Variants in MSMB observed in about 807,000 individuals in gnomAD.
MSMB encodes the protein microseminoprotein beta, also known as beta-microseminoprotein.
MSMB carries 10 observed loss-of-function variants against 10.5 expected under a neutral mutation model. That is an observed-to-expected ratio of 0.95 (90% CI 0.59 to 1.62). MSMB has a LOEUF of 1.62. Among genes scored for constraint, MSMB ranks in the 40% most tolerant of loss-of-function variants. The pLI is 0.00. For synonymous variants in MSMB, 43 were observed against 46.5 expected (o/e 0.93, Z 0.30); for missense variants, 126 against 137.4 (o/e 0.92, Z 0.42).
intron 1 of MSMB, 93 bp from the exon 2 acceptor site, chr10:46,040,184 T>A: frequency 2.0e-6 from 2 of 1,010,080 alleles, no homozygotes; most frequent in Non-Finnish European, 1.5e-6. Context: ...GGCTGGGCTC[T>A]GCTGAGAGGT....
At chr10:46,041,856 G>A (rs1249524176) in intron 1 of MSMB, among the ~76,000 whole-genome samples, 2 of 151,078 alleles carry the variant, frequency 1.3e-5, no homozygotes, top group African/African-American at 4.9e-5. Flanking sequence ...AAAGGTAGTT[G>A]GATAGGGTAA....
At chr10:46,044,575 GAAAAAAAAAAA>G (rs56061175) in intron 1 of MSMB, among the ~76,000 whole-genome samples, 20 of 38,530 alleles carry the variant, frequency 5.2e-4, no homozygotes, top group Admixed American at 1.3e-3. Flanking sequence ...CTCCGTCTCA[GAAAAAAAAAAA>G]AAAAAAAAAA....
intron 1 of MSMB, among the ~76,000 whole-genome samples, chr10:46,041,648 G>C (rs782513022): frequency 5.3e-5 from 8 of 151,986 alleles, no homozygotes; most frequent in Non-Finnish European, 1.0e-4. Context: ...ACAAAAGTTA[G>C]GTGGGTATGG....
chr10:46,036,930 A>T (rs1840622013), intron 3 of MSMB, among the ~76,000 whole-genome samples: 1 of 152,256 alleles, frequency 6.6e-6, no homozygotes, highest in Admixed American at 6.5e-5. Flanking sequence ...AACACTTGAT[A>T]TAAAGACAAT....
At chr10:46,040,896 G>A (rs984027747) in intron 1 of MSMB, among the ~76,000 whole-genome samples, 8 of 151,992 alleles carry the variant, frequency 5.3e-5, no homozygotes, top group Non-Finnish European at 7.4e-5. Context: ...GGACCTTGCA[G>A]TGAGCCGAGA....
At chr10:46,045,158 C>T (rs1590199881) in intron 1 of MSMB, among the ~76,000 whole-genome samples, 1 of 152,104 alleles carries the variant, frequency 6.6e-6, no homozygotes. Flanking sequence ...CAGTCCCCAG[C>T]GTTAGTAAAG....
intron 3 of MSMB, among the ~76,000 whole-genome samples, chr10:46,037,598 G>A (rs928006498): frequency 6.6e-6 from 1 of 152,168 alleles, no homozygotes; most frequent in Non-Finnish European, 1.5e-5. Flanking sequence ...AGTTAAACTT[G>A]AGCAGTGAAG....
chr10:46,042,289 G>GAC (rs1310793476), intron 1 of MSMB, among the ~76,000 whole-genome samples: 2 of 151,778 alleles, frequency 1.3e-5, no homozygotes, highest in Non-Finnish European at 2.9e-5. Context: ...TTCACACACA[G>GAC]ACACACACAC....
intron 3 of MSMB, among the ~76,000 whole-genome samples, chr10:46,037,082 G>C (rs184780887): frequency 3.4e-4 from 52 of 152,314 alleles, no homozygotes; most frequent in Admixed American, 9.8e-4. Flanking sequence ...CTAGCATGAG[G>C]CCTGCTCGAT....
intron 2 of MSMB, 68 bp downstream of exon 2, chr10:46,039,918 T>G (rs979225374): frequency 6.5e-5 from 76 of 1,166,092 alleles, no homozygotes; most frequent in Non-Finnish European, 8.6e-5. Context: ...CACAAAGGCT[T>G]TCATCTGCAG....
intron 3 of MSMB, among the ~76,000 whole-genome samples, chr10:46,035,413 C>G (rs1170930824): frequency 1.3e-5 from 2 of 152,154 alleles, no homozygotes; most frequent in Non-Finnish European, 1.5e-5. Flanking sequence ...CTCAAGTGTT[C>G]AACAAATAAA....
intron 1 of MSMB, 92 bp from the exon 2 acceptor site, chr10:46,040,183 C>G: frequency 9.5e-7 from 1 of 1,054,858 alleles, no homozygotes; most frequent in South Asian, 1.5e-5. Context: ...CGGCTGGGCT[C>G]TGCTGAGAGG....
intron 1 of MSMB, among the ~76,000 whole-genome samples, chr10:46,041,394 T>C (rs1840749733): frequency 6.6e-6 from 1 of 151,838 alleles, no homozygotes; most frequent in Non-Finnish European, 1.5e-5. Flanking sequence ...ACTAAATTTG[T>C]TGTAATTTTG....
At position 46,039,031 on chromosome 10, in the gene MSMB, C is replaced by T. The variant is rs1158417256; in HGVS notation, c.150G>A (p.Ser50=). The T allele has an allele frequency of 1.9e-6, 3 of 1,613,946 alleles. No homozygotes were observed. The highest frequency in any genetic ancestry group is 2.2e-5 in the East Asian group (1 of 44,880). Residue 50 remains serine, a synonymous_variant, in exon 3 of 4, where the codon TCG becomes TCA. Coordinates refer to ENST00000582163, the MANE Select transcript of MSMB (RefSeq NM_002443.4). The part of the protein sequence containing the change: ...DLKGNKHPIN[S]EWQTDNCETC... ...TCTCACAGTTGTCAGTCTGCCACTC[C>T]GAGTTTATTGGGTGTTTGTTTCCTT... is the stretch of plus-strand genomic sequence containing the variant.
chr10:46,045,707 C>T (rs563284641), intron 1 of MSMB, among the ~76,000 whole-genome samples: 3 of 152,226 alleles, frequency 2.0e-5, no homozygotes, highest in South Asian at 4.2e-4. Flanking sequence ...ATCAGAGTGT[C>T]GGGGTGGAAG....
intron 1 of MSMB, among the ~76,000 whole-genome samples, chr10:46,041,033 T>C (rs1840735976): frequency 6.6e-6 from 1 of 151,958 alleles, no homozygotes; most frequent in African/African-American, 2.4e-5. Flanking sequence ...GTTCCCTGAT[T>C]ATAGACTCAC....
chr10:46,038,479 C>T (rs1840665625), intron 3 of MSMB, among the ~76,000 whole-genome samples: 1 of 151,992 alleles, frequency 6.6e-6, no homozygotes, highest in African/African-American at 2.4e-5. Flanking sequence ...TTAGTAGAGA[C>T]GGGGTTTCAC....
chr10:46,045,595 T>C (rs1840876931), intron 1 of MSMB, among the ~76,000 whole-genome samples: 1 of 152,092 alleles, frequency 6.6e-6, no homozygotes, highest in Non-Finnish European at 1.5e-5. Flanking sequence ...TAACACATGA[T>C]ACAGTGAAAA....
chr10:46,041,978 C>T (rs1330657746), intron 1 of MSMB, among the ~76,000 whole-genome samples: 2 of 151,978 alleles, frequency 1.3e-5, no homozygotes, highest in Non-Finnish European at 2.9e-5. Flanking sequence ...GCTATTAGAA[C>T]AAGTGGTGAA....
Sources: gnomAD v4.1 joint callset for allele counts (sites outside exome capture counted in the v4.1 genomes callset) on GRCh38, gnomAD v4.1.1 for gene constraint, MANE v1.5 for transcripts, NCBI Gene and HGNC (gene_info 2026-07-23, HGNC 2026-07-21) for gene names.